COBL: variants seen among roughly 807,000 people sequenced by gnomAD.
COBL encodes the protein cordon-bleu WH2 repeat protein.
A neutral mutation model predicts 98.8 loss-of-function variants in COBL; 51 were observed. The observed-to-expected ratio is 0.52, with a 90% CI of 0.41 to 0.65. COBL has a LOEUF of 0.65. Among genes scored for constraint, COBL ranks in the 30% least tolerant of loss-of-function variants. The pLI is 0.00. For missense variants in COBL, 1,617 were observed against 1,617.5 expected, an observed-to-expected ratio of 1.00 and a Z score of 0.01; for synonymous variants, 634 against 651.7, an observed-to-expected ratio of 0.97 and a Z score of 0.41.
intron 12 of COBL, among the ~76,000 whole-genome samples, chr7:51,019,782 C>T (rs577599101): frequency 1.3e-5 from 2 of 152,350 alleles, no homozygotes; most frequent in South Asian, 4.1e-4. Flanking sequence ...GTTTACATTA[C>T]GAGCAACTAA....
At chr7:51,077,926 G>C (rs571969136) in intron 7 of COBL, among the ~76,000 whole-genome samples, 33 of 152,228 alleles carry the variant, frequency 2.2e-4, no homozygotes, top group Middle Eastern at 3.4e-3. Context: ...TCACCCACTT[G>C]CTCTTCAACA....
intron 7 of COBL, among the ~76,000 whole-genome samples, chr7:51,081,114 G>A (rs1374865987): frequency 6.6e-6 from 1 of 152,238 alleles, no homozygotes; most frequent in South Asian, 2.1e-4. Flanking sequence ...AGGAGAGGGA[G>A]GGGAGACTCT....
intron 1 of COBL, among the ~76,000 whole-genome samples, chr7:51,283,577 T>C (rs2129178939): frequency 6.6e-6 from 1 of 152,254 alleles, no homozygotes; most frequent in South Asian, 2.1e-4. Context: ...CTGTGCCTCC[T>C]GGGTTCAAGC....
intron 1 of COBL, among the ~76,000 whole-genome samples, chr7:51,249,800 C>A (rs1191742614): frequency 6.6e-6 from 1 of 152,180 alleles, no homozygotes; most frequent in African/African-American, 2.4e-5. Context: ...GCTGTGAAAA[C>A]TGAACCAGGA....
intron 2 of COBL, 103 bp downstream of exon 2, chr7:51,219,638 C>A (rs1283471777): frequency 1.9e-5 from 24 of 1,273,824 alleles, no homozygotes; most frequent in Non-Finnish European, 2.0e-5. Context: ...GAGGTCAGAC[C>A]TGATGAGGAG....
intron 6 of COBL, among the ~76,000 whole-genome samples, chr7:51,089,930 C>A (rs1047868915): frequency 6.6e-6 from 1 of 152,028 alleles, no homozygotes; most frequent in Non-Finnish European, 1.5e-5. Flanking sequence ...AATTGATGAG[C>A]CATAATTAAC....
chr7:51,022,940 T>C (rs1787090953), intron 12 of COBL: 1 of 152,194 alleles, frequency 6.6e-6, no homozygotes, highest in African/African-American at 2.4e-5. Flanking sequence ...AAAAATGTGA[T>C]TCAAGATACA....
chr7:51,166,911 T>G (rs998849032), intron 5 of COBL, among the ~76,000 whole-genome samples: 1 of 152,148 alleles, frequency 6.6e-6, no homozygotes, highest in Admixed American at 6.6e-5. Flanking sequence ...CATCCCTTCA[T>G]GATAAAAATT....
intron 1 of COBL, among the ~76,000 whole-genome samples, chr7:51,226,453 C>G (rs1794189662): frequency 6.6e-6 from 1 of 152,070 alleles, no homozygotes; most frequent in Non-Finnish European, 1.5e-5. Flanking sequence ...GAAGAGGAAC[C>G]ATGACTTTCT....
intron 5 of COBL, among the ~76,000 whole-genome samples, chr7:51,143,450 C>T (rs1177386770): frequency 3.9e-5 from 6 of 152,110 alleles, no homozygotes; most frequent in African/African-American, 1.4e-4. Flanking sequence ...AAGAGTGATA[C>T]TTTATGTGTA....
intron 5 of COBL, among the ~76,000 whole-genome samples, chr7:51,143,031 A>C (rs1784685167): frequency 6.6e-6 from 1 of 152,132 alleles, no homozygotes; most frequent in South Asian, 2.1e-4. Context: ...GAGGAGGAAA[A>C]GTAAGAGGAA....
chr7:51,148,866 A>AC (rs34656731), intron 5 of COBL, among the ~76,000 whole-genome samples: 49,573 of 151,612 alleles, frequency 0.33, 10,288 homozygotes, highest in South Asian at 0.46. Flanking sequence ...GGCATCCCCA[A>AC]CCCCCTTATC....
intron 4 of COBL, among the ~76,000 whole-genome samples, chr7:51,187,331 TAC>T (rs1303777271): frequency 0.011 from 1,113 of 101,358 alleles, 10 homozygotes; most frequent in South Asian, 0.03. Flanking sequence ...TATATATATA[TAC>T]ACACACACAC....
At chr7:51,051,657 G>A (rs887263151) in intron 7 of COBL, among the ~76,000 whole-genome samples, 12 of 152,198 alleles carry the variant, frequency 7.9e-5, no homozygotes, top group African/African-American at 2.7e-4. Flanking sequence ...TTTGCCGCAC[G>A]TGAATATTCC....
chr7:51,035,813 C>T (rs921863287), intron 8 of COBL: 1 of 152,226 alleles, frequency 6.6e-6, no homozygotes. Context: ...CAGCCACACA[C>T]ATACTGGACG....
intron 1 of COBL, among the ~76,000 whole-genome samples, chr7:51,304,264 G>A (rs1393473128): frequency 2.6e-5 from 4 of 152,220 alleles, no homozygotes; most frequent in Admixed American, 6.5e-5. Flanking sequence ...TGGGGAGGCA[G>A]AGGTCACAGG....
chr7:51,065,676 G>A lies in COBL; in HGVS notation c.1096+19490C>T, dbSNP rs535236084. Among the ~76,000 whole-genome samples the A allele has an allele frequency of 1.2e-3, 184 of 152,358 alleles. 2 individuals are homozygous for A. The highest frequency in any genetic ancestry group is 3.9e-3 in the African/African-American group (163 of 41,592). On this transcript the variant is annotated intron_variant, in intron 7 of 12. Coordinates refer to ENST00000265136, the MANE Select transcript of COBL (RefSeq NM_015198.5). ...ACCTGGGTACAACAGAAGCTCTCCA[G>A]CCTCTGTCGTCATCAGCACACAGGC...
At chr7:51,154,413 C>T (rs1328827119) in intron 5 of COBL, among the ~76,000 whole-genome samples, 2 of 152,236 alleles carry the variant, frequency 1.3e-5, no homozygotes, top group African/African-American at 4.8e-5. Context: ...TGCCACAGAG[C>T]TGACATCACT....
chr7:51,231,049 C>T (rs972095492), intron 1 of COBL, among the ~76,000 whole-genome samples: 3 of 152,190 alleles, frequency 2.0e-5, no homozygotes, highest in Admixed American at 6.5e-5. Flanking sequence ...TCAGCACCAC[C>T]GCTAACTAGT....
Sources: gnomAD v4.1 joint callset for allele counts (sites outside exome capture counted in the v4.1 genomes callset) on GRCh38, gnomAD v4.1.1 for gene constraint, MANE v1.5 for transcripts, NCBI Gene and HGNC (gene_info 2026-07-23, HGNC 2026-07-21) for gene names.